The following SIPA1L1 variants were observed in gnomAD, a reference collection of about 807,000 sequenced individuals.
SIPA1L1 encodes signal induced proliferation associated 1 like 1.
SIPA1L1 carries 26 observed loss-of-function variants against 162.7 expected under a neutral mutation model. That is an observed-to-expected ratio of 0.16 (90% confidence interval 0.12 to 0.22). The LOEUF is 0.22. Among genes scored for constraint, SIPA1L1 ranks in the 10% least tolerant of loss-of-function variants. The pLI is 1.00. For missense variants in SIPA1L1, 1,874 were observed against 2,241.0 expected (o/e 0.84, Z 3.31); for synonymous variants, 829 against 837.4 (o/e 0.99, Z 0.17).
At chr14:71,502,407 T>C (rs1011970597) in intron 2 of SIPA1L1, among the ~76,000 whole-genome samples, 1 of 149,006 alleles carries the variant, frequency 6.7e-6, no homozygotes, top group Admixed American at 6.7e-5. Context: ...CCTGGCAATT[T>C]TGTGTGTGTG....
At chr14:71,712,906 A>G (rs1051181698) in intron 17 of SIPA1L1, among the ~76,000 whole-genome samples, 1 of 152,158 alleles carries the variant, frequency 6.6e-6, no homozygotes, top group African/African-American at 2.4e-5. Context: ...CCTGTAGCCA[A>G]TTACTACCCA....
intron 2 of SIPA1L1, among the ~76,000 whole-genome samples, chr14:71,488,025 A>G (rs1172117448): frequency 6.6e-6 from 1 of 152,236 alleles, no homozygotes; most frequent in Non-Finnish European, 1.5e-5. Flanking sequence ...TTTGATGCAG[A>G]TGCTATGCTT....
At chr14:71,392,538 CT>C (rs956364871) in intron 2 of SIPA1L1, among the ~76,000 whole-genome samples, 5 of 149,984 alleles carry the variant, frequency 3.3e-5, no homozygotes, top group Non-Finnish European at 5.9e-5. Context: ...ACTATTGAAA[CT>C]TTTTTTTTTG....
intron 2 of SIPA1L1, among the ~76,000 whole-genome samples, chr14:71,407,568 A>G (rs1461876060): frequency 1.4e-5 from 2 of 146,042 alleles, no homozygotes; most frequent in Non-Finnish European, 3.0e-5. Flanking sequence ...GTGTAGCGGC[A>G]TGATCAGGGC....
intron 2 of SIPA1L1, among the ~76,000 whole-genome samples, chr14:71,479,197 A>G (rs114526679): frequency 1.3e-4 from 20 of 152,114 alleles, no homozygotes; most frequent in African/African-American, 4.8e-4. Context: ...GCTATCGTTT[A>G]CTTTTCAGAC....
intron 2 of SIPA1L1, among the ~76,000 whole-genome samples, chr14:71,353,661 G>A (rs934566054): frequency 6.6e-6 from 1 of 152,178 alleles, no homozygotes; most frequent in Non-Finnish European, 1.5e-5. Flanking sequence ...AGTGATTATG[G>A]TGACTAGACC....
intron 2 of SIPA1L1, among the ~76,000 whole-genome samples, chr14:71,473,082 A>G (rs1319051637): frequency 6.6e-6 from 1 of 152,104 alleles, no homozygotes; most frequent in Non-Finnish European, 1.5e-5. Flanking sequence ...GGATAACATG[A>G]AACTTTAAAG....
At chr14:71,677,766 C>G (rs2045357946) in intron 12 of SIPA1L1, among the ~76,000 whole-genome samples, 1 of 152,132 alleles carries the variant, frequency 6.6e-6, no homozygotes, top group Non-Finnish European at 1.5e-5. Flanking sequence ...TCAAGTTTGT[C>G]AAAGATCAGA....
intron 9 of SIPA1L1, among the ~76,000 whole-genome samples, chr14:71,659,980 C>G (rs919802077): frequency 6.6e-6 from 1 of 151,606 alleles, no homozygotes; most frequent in Non-Finnish European, 1.5e-5. Flanking sequence ...TTTAAAAATT[C>G]TTTTGCAAAT....
At chr14:71,430,225 G>C (rs1013753219) in intron 2 of SIPA1L1, among the ~76,000 whole-genome samples, 6 of 152,040 alleles carry the variant, frequency 3.9e-5, no homozygotes, top group Admixed American at 2.0e-4. Context: ...TGGTTTCAAA[G>C]TAAGAATGGT....
chr14:71,516,912 G>C (rs1220437007), intron 3 of SIPA1L1, among the ~76,000 whole-genome samples: 1 of 152,144 alleles, frequency 6.6e-6, no homozygotes, highest in East Asian at 1.9e-4. Context: ...GGTGGAGATT[G>C]CAGTGAGCTG....
intron 4 of SIPA1L1, among the ~76,000 whole-genome samples, chr14:71,572,557 C>A (rs1049733240): frequency 5.4e-4 from 82 of 152,112 alleles, no homozygotes; most frequent in Non-Finnish European, 1.6e-4. Flanking sequence ...AAGGAACTGT[C>A]AGGATGGTGA....
At chr14:71,520,795 C>G (rs1041134793) in intron 3 of SIPA1L1, among the ~76,000 whole-genome samples, 2 of 152,122 alleles carry the variant, frequency 1.3e-5, no homozygotes, top group Admixed American at 1.3e-4. Context: ...CTCTGTCACC[C>G]AGGCTGGAGT....
At chr14:71,701,294 A>G (rs915783808) in intron 14 of SIPA1L1, among the ~76,000 whole-genome samples, 16 of 151,912 alleles carry the variant, frequency 1.1e-4, no homozygotes, top group African/African-American at 3.9e-4. Flanking sequence ...ACACCCCACA[A>G]GCATCAGTTC....
chr14:71,428,368 C>CG (rs2043737876), intron 2 of SIPA1L1, among the ~76,000 whole-genome samples: 1 of 150,802 alleles, frequency 6.6e-6, no homozygotes, highest in Non-Finnish European at 1.5e-5. Flanking sequence ...TTATGATTTG[C>CG]GGTTTTTTTT....
intron 2 of SIPA1L1, among the ~76,000 whole-genome samples, chr14:71,400,425 T>G (rs2041580717): frequency 6.6e-6 from 1 of 152,102 alleles, no homozygotes; most frequent in Non-Finnish European, 1.5e-5. Context: ...TTTTATCCTA[T>G]CATATGGCAC....
intron 2 of SIPA1L1, among the ~76,000 whole-genome samples, chr14:71,467,957 T>G (rs918455854): frequency 6.6e-6 from 1 of 150,502 alleles, no homozygotes; most frequent in African/African-American, 2.4e-5. Context: ...GCCTGGCACA[T>G]AGTAAGGACA....
At chr14:71,595,771 T>G (rs969087659) in intron 5 of SIPA1L1, among the ~76,000 whole-genome samples, 1 of 152,130 alleles carries the variant, frequency 6.6e-6, no homozygotes, top group African/African-American at 2.4e-5. Context: ...TCATCATTGC[T>G]CTCCTTCTGT....
intron 2 of SIPA1L1, among the ~76,000 whole-genome samples, chr14:71,443,075 T>C (rs2045042569): frequency 6.6e-6 from 1 of 152,248 alleles, no homozygotes; most frequent in South Asian, 2.1e-4. Context: ...CCTCTGGACA[T>C]AATTCATGTT....
Sources: allele counts gnomAD v4.1 joint callset (sites outside exome capture counted in the v4.1 genomes callset), GRCh38; gene constraint gnomAD v4.1.1; transcripts MANE v1.5; gene names NCBI Gene and HGNC (gene_info 2026-07-23, HGNC 2026-07-21).